KRT4: variants seen among roughly 807,000 people sequenced by gnomAD.
KRT4 encodes keratin, type II cytoskeletal 4.
In KRT4, 47 loss-of-function variants were observed where a neutral mutation model predicts 50.6. That is an observed-to-expected ratio of 0.93 (90% CI 0.73 to 1.18). The LOEUF (loss-of-function observed/expected upper bound fraction) is 1.18, where lower values mean the gene tolerates loss of function less well. KRT4 is among the 50% of genes most tolerant of loss of function. The pLI is 0.00. For synonymous variants in KRT4, 254 were observed against 251.2 expected (o/e 1.01, Z -0.10); for missense variants, 651 against 645.7 (o/e 1.01, Z -0.09).
At chr12:52,808,184 G>A in intron 6 of KRT4, 110 bp downstream of exon 6, 1 of 1,416,150 alleles carries the variant, frequency 7.1e-7, no homozygotes, top group Admixed American at 1.7e-5. Context: ...TGAATTCCCA[G>A]CAACAAGCTC....
chr12:52,811,892 T>C lies in KRT4; in HGVS notation c.548A>G (p.Asn183Ser), dbSNP rs199768158. The C allele has an allele frequency of 6.7e-4, 1,076 of 1,613,928 alleles. 1 individual carries two copies. Among genetic ancestry groups the C allele is most frequent in the Non-Finnish European group, 8.5e-4 (1,004 of 1,179,970 alleles). Residue 183 changes from asparagine (N) to serine (S), a missense_variant, in exon 2 of 9, where the codon AAC (asparagine) becomes AGC (serine). Transcript: ENST00000551956. ...QQQTTTTSSK[N>S]LEPLFETYLS... is the part of the protein sequence containing the mutation. ...GTAGGTCTCAAAGAGGGGCTCAAGG[T>C]TTTTGCTGGAGGTGGTGGTCGTCTG...
chr12:52,812,226 A>G (rs1939926810), intron 1 of KRT4, among the ~76,000 whole-genome samples: 2 of 152,208 alleles, frequency 1.3e-5, no homozygotes, highest in African/African-American at 4.8e-5. Context: ...AGCAGGGCCT[A>G]ACAGTGCAAC....
At chr12:52,810,944 C>A in intron 2 of KRT4, 128 bp from the exon 3 acceptor site, 1 of 733,092 alleles carries the variant, frequency 1.4e-6, no homozygotes, top group South Asian at 1.6e-5. Flanking sequence ...TTGCATTTCC[C>A]ATATTCATAC....
chr12:52,808,387 A>G lies in KRT4; in HGVS notation c.1032T>C (p.His344=), dbSNP rs1184660894. The change falls in exon 6 of 9, where the codon CAT becomes CAC. Residue 344 remains histidine, a synonymous_variant. Transcript: ENST00000551956. ...TCTTGGTGTTCTTCAGGTTGTCACC[A>G]TGTTGGTCAACCGAGATCTGGAGCT... ...VQQLQISVDQ[H]GDNLKNTKSE... is the part of the protein sequence containing the mutation. The G allele has an allele frequency of 3.1e-6, 5 of 1,613,952 alleles. No homozygotes were observed. Among genetic ancestry groups the G allele is most frequent in the Non-Finnish European group, 3.4e-6 (4 of 1,180,020 alleles).
At chr12:52,809,017 T>A in intron 4 of KRT4, 167 bp from the exon 5 acceptor site, 3 of 767,064 alleles carry the variant, frequency 3.9e-6, no homozygotes, top group Non-Finnish European at 6.8e-6. Context: ...GGAAGAGCAA[T>A]GCTTCTAGTC....
In KRT4 at chr12:52,813,735, T is replaced by G; in HGVS notation, c.324A>C (p.Gly108=). The G allele has an allele frequency of 3.7e-6, 4 of 1,069,504 alleles. No homozygotes were observed. The highest frequency in any genetic ancestry group is 4.5e-6 in the Non-Finnish European group (4 of 882,174). 66.3% of individuals were successfully genotyped at this position (1,069,504 alleles called of 1,614,324 possible). The change falls in exon 1 of 9, where the codon GGA becomes GGC. Residue 108 remains glycine, a synonymous_variant. Transcript: ENST00000551956. The part of the protein sequence containing the change: ...GPGFPVCPAG[G]IQEVTINQSL... ...TCTGGTTGATGGTGACCTCCTGAAT[T>G]CCCCCAGCGGGGCAGACGGGGAAGC...
intron 6 of KRT4, 96 bp downstream of exon 6, chr12:52,808,198 G>C (rs1939835473): frequency 6.7e-7 from 1 of 1,489,058 alleles, no homozygotes; most frequent in Admixed American, 1.7e-5. Flanking sequence ...CAAGCTCAGG[G>C]TCTTCTGGCC....
At position 52,807,009 on chromosome 12, in the gene KRT4, C is replaced by A. The variant is rs1025596192; in HGVS notation, c.*60G>T. ...GAGGATGGAGGTGAAGTGAAGGAAGCACAGAGACACCAGTGCTGGGCCCAG... is the reference window on the plus strand; with the variant it reads ...GAGGATGGAGGTGAAGTGAAGGAAGAACAGAGACACCAGTGCTGGGCCCAG... On this transcript the variant is annotated 3_prime_UTR_variant, in exon 9 of 9. Transcript: ENST00000551956. 17 of 1,531,118 alleles carry A rather than the reference C, an allele frequency of 1.1e-5. No homozygotes were observed. In the African/African-American group the frequency reaches 2.3e-4, roughly 21 times the overall value. 94.8% of individuals were successfully genotyped at this position (1,531,118 alleles called of 1,614,324 possible). A position where few individuals can be genotyped will look rare whatever the true frequency, so the allele number is the denominator to read the frequency against.
intron 3 of KRT4, among the ~76,000 whole-genome samples, chr12:52,810,497 A>C (rs1171332073): frequency 1.3e-5 from 2 of 152,158 alleles, no homozygotes; most frequent in African/African-American, 4.8e-5. Flanking sequence ...CAGTGACCCA[A>C]GATCGCGCCA....
chr12:52,806,946 T>C lies in KRT4; in HGVS notation c.*123A>G. 1.1e-6 allele frequency: 1 copy of C among 916,584 alleles called. No homozygotes were observed. The highest frequency in any genetic ancestry group is 1.4e-5 in the South Asian group (1 of 72,080). The allele number at this position is 916,584 out of a possible 1,614,324, so 56.8% of individuals were successfully genotyped here. A position where few individuals can be genotyped will look rare whatever the true frequency, so the allele number is the denominator to read the frequency against. ...CCTGGGGCAGAGAGAGCCCATGGGA[T>C]AGTGGAGGGGATACTAGTAAGATGA... is the stretch of plus-strand genomic sequence containing the variant. On this transcript the variant is annotated 3_prime_UTR_variant, in exon 9 of 9. Coordinates refer to ENST00000551956, the MANE Select transcript of KRT4 (RefSeq NM_002272.4).
chr12:52,808,334 A>T lies in KRT4; in HGVS notation c.1085T>A (p.Ile362Asn). ...CTCGATCTCTGCCCGCAGCCTCTGG[A>T]TCATCCTGTTGAGCTCTGCAATTTC... ...KSEIAELNRM[I>N]QRLRAEIENI... Residue 362 changes from isoleucine (I) to asparagine (N), a missense_variant, in exon 6 of 9, where the codon ATC (isoleucine) becomes AAC (asparagine). Ile to Asn is a moderately radical substitution (Grantham distance 149, BLOSUM62 -3). Transcript: ENST00000551956. The T allele has an allele frequency of 6.2e-7, 1 of 1,614,088 alleles. No homozygotes were observed. The highest frequency in any genetic ancestry group is 8.5e-7 in the Non-Finnish European group (1 of 1,180,018).
At position 52,810,779 on chromosome 12, in the gene KRT4, T is replaced by C. The variant is rs1939896181; in HGVS notation, c.715A>G (p.Asn239Asp). ...EEINKRTAAE[N>D]DFVVLKKDVD... is the part of the protein sequence containing the mutation. ...ACCTTCTTTAGGACCACAAAGTCATTCTCGGCTGCTGTGCGTTTGTTGATC... is the reference window on the plus strand; with the variant it reads ...ACCTTCTTTAGGACCACAAAGTCATCCTCGGCTGCTGTGCGTTTGTTGATC... The change falls in exon 3 of 9, where the codon AAT becomes GAT. Residue 239 changes from asparagine to aspartate, a missense_variant. Coordinates refer to ENST00000551956, the MANE Select transcript of KRT4 (RefSeq NM_002272.4). 8.1e-6 allele frequency: 13 copies of C among 1,614,000 alleles called. No individual in the cohort carries two copies. Among genetic ancestry groups the C allele is most frequent in the Non-Finnish European group, 1.1e-5 (13 of 1,179,996 alleles).
At chr12:52,810,215 C>T (rs1354674078) in intron 3 of KRT4, among the ~76,000 whole-genome samples, 1 of 152,174 alleles carries the variant, frequency 6.6e-6, no homozygotes, top group South Asian at 2.1e-4. Context: ...CACAAACTAT[C>T]CACGTAACAA....
At position 52,808,339 on chromosome 12, in the gene KRT4, C is replaced by T. The variant is rs113928381; in HGVS notation, c.1080G>A (p.Arg360=). 2,343 of 1,614,144 alleles carry T rather than the reference C, an allele frequency of 1.5e-3. 6 individuals carry two copies. The highest frequency in any genetic ancestry group is 4.6e-3 in the Middle Eastern group (28 of 6,062). The change falls in exon 6 of 9, where the codon AGG becomes AGA. Residue 360 remains arginine (R), a synonymous_variant. Transcript: ENST00000551956. ...NTKSEIAELN[R]MIQRLRAEIE... ...TCTCTGCCCGCAGCCTCTGGATCAT[C>T]CTGTTGAGCTCTGCAATTTCACTCT... is the stretch of plus-strand genomic sequence containing the variant.
At position 52,807,164 on chromosome 12, in the gene KRT4, A is replaced by G. The variant is rs914165889; in HGVS notation, c.1468T>C (p.Ser490Pro). 3.0e-5 allele frequency: 49 copies of G among 1,614,048 alleles called. No individual in the cohort carries two copies. Among genetic ancestry groups the G allele is most frequent in the Non-Finnish European group, 4.1e-5 (48 of 1,180,034 alleles). Residue 490 changes from serine (S) to proline (P), a missense_variant, in exon 9 of 9, where the codon TCC becomes CCC. Physicochemically the swap from Ser to Pro is moderately conservative, Grantham distance 74. Coordinates refer to ENST00000551956, the MANE Select transcript of KRT4 (RefSeq NM_002272.4). ...AACCCAAAGCCACTTCCAGAGCCGG[A>G]GCCAAAGCCACTACTCAGGCCAAAC... is the stretch of plus-strand genomic sequence containing the variant. ...SGFGLSSGFG[S>P]GSGSGFGFGG...
rs1460035428 is a variant in KRT4, at chr12:52,807,628, C to A, written c.1346+16G>T. 6.2e-7 allele frequency: 1 copy of A among 1,612,826 alleles called. No homozygotes were observed. The highest frequency in any genetic ancestry group is 8.5e-7 in the Non-Finnish European group (1 of 1,179,692). ...CCTCTCTGGCCCTCATGTTCACACC[C>A]TGCCTAACCCCTCACCTGTACTCCT... is the stretch of plus-strand genomic sequence containing the variant. On this transcript the variant is annotated intron_variant, in intron 7 of 8. Transcript: ENST00000551956.
At position 52,813,890 on chromosome 12, in the gene KRT4, C is replaced by T; in HGVS notation, c.169G>A (p.Gly57Arg). ...FGSRSLYNLRGNKSISMSVAG... is the reference protein window; with the variant it reads ...FGSRSLYNLRRNKSISMSVAG... ...ACACTCATGGAGATGCTTTTGTTCC[C>T]CCTGAGGTTGTAGAGGCTTCTGCTG... The change falls in exon 1 of 9, where the codon GGG becomes AGG. Residue 57 changes from glycine (G) to arginine (R), a missense_variant. Gly to Arg is a moderately radical substitution (Grantham distance 125, BLOSUM62 -2). Transcript: ENST00000551956. The T allele has an allele frequency of 1.9e-6, 3 of 1,613,978 alleles. No individual in the cohort carries two copies. Among genetic ancestry groups the T allele is most frequent in the Non-Finnish European group, 2.5e-6 (3 of 1,180,052 alleles).
In KRT4 at chr12:52,809,075, G is replaced by A. The variant is rs77231962; in HGVS notation, c.835-225C>T. On this transcript the variant is annotated intron_variant, in intron 4 of 8. Transcript: ENST00000551956. ...AAGCCACTCTAATGCAGTGAGTGCCGGTGTGTTGGAATGGAAGGGAAGGGA... is the reference window on the plus strand; with the variant it reads ...AAGCCACTCTAATGCAGTGAGTGCCAGTGTGTTGGAATGGAAGGGAAGGGA... 15,795 of 643,350 alleles carry A rather than the reference G, an allele frequency of 0.025. 438 individuals are homozygous for A. The highest frequency in any genetic ancestry group is 0.11 in the African/African-American group (5,914 of 55,576). The allele number at this position is 643,350 out of a possible 1,614,324, so 39.9% of individuals were successfully genotyped here. A position where few individuals can be genotyped will look rare whatever the true frequency, so the allele number is the denominator to read the frequency against.
rs1353754824 is a variant in KRT4, at chr12:52,809,420, T to G, written c.797A>C (p.Asn266Thr). The part of the protein sequence containing the change: ...VELEAKVDSL[N>T]DEINFLKVLY... ...GACCTTCAGGAAGTTGATCTCGTCATTAAGACTGTCCACCTTGGCCTCCAA... is the reference window on the plus strand; with the variant it reads ...GACCTTCAGGAAGTTGATCTCGTCAGTAAGACTGTCCACCTTGGCCTCCAA... Residue 266 changes from asparagine (N) to threonine (T), a missense_variant, in exon 4 of 9, where the codon AAT (asparagine) becomes ACT (threonine). By Grantham distance (65) the Asn-to-Thr change is moderately conservative. Transcript: ENST00000551956. 3 of 1,614,138 alleles carry G rather than the reference T, an allele frequency of 1.9e-6. No homozygotes were observed. The highest frequency in any genetic ancestry group is 2.5e-6 in the Non-Finnish European group (3 of 1,179,990).
Sources: gnomAD v4.1 joint callset for allele counts (sites outside exome capture counted in the v4.1 genomes callset) on GRCh38, gnomAD v4.1.1 for gene constraint, MANE v1.5 for transcripts, NCBI Gene and HGNC (gene_info 2026-07-23, HGNC 2026-07-21) for gene names.